The following JAGN1 variants were observed in gnomAD, a reference collection of about 807,000 sequenced individuals.
The protein encoded by JAGN1 is jagunal vesicle mediated transporter 1.
Under a neutral mutation model 17.1 loss-of-function variants are expected in JAGN1, and 13 were observed. That is an observed-to-expected ratio of 0.76 (90% CI 0.49 to 1.21). The LOEUF (loss-of-function observed/expected upper bound fraction) is 1.21. Among genes scored for constraint, JAGN1 ranks in the 50% most tolerant of loss-of-function variants. JAGN1 has a pLI of 0.00. For synonymous variants in JAGN1, 111 were observed against 91.0 expected (o/e 1.22, Z -1.25); for missense variants, 256 against 234.2 (o/e 1.09, Z -0.61).
rs1269759599 is a variant in JAGN1 at position 9,893,926 on chromosome 3, G to T, written c.*549G>T. 3.2e-5 allele frequency: 5 copies of T among 155,950 alleles called. No homozygotes were observed. The highest frequency in any genetic ancestry group is 1.2e-4 in the African/African-American group (5 of 41,458). 9.7% of individuals were successfully genotyped at this position (155,950 alleles called of 1,614,324 possible). A position where few individuals can be genotyped will look rare whatever the true frequency, so the allele number is the denominator to read the frequency against. Reference sequence around the variant, plus strand: ...AAAGGTGTGGCCTTAGACACTAGGAGATGATGGGTAGAAGCTCCTTGAGAA... The same window carrying T: ...AAAGGTGTGGCCTTAGACACTAGGATATGATGGGTAGAAGCTCCTTGAGAA... On this transcript the variant is annotated 3_prime_UTR_variant, in exon 2 of 2. Coordinates refer to ENST00000647897, the MANE Select transcript of JAGN1 (RefSeq NM_032492.4).
chr3:9,894,250 G>T lies in JAGN1; in HGVS notation c.*873G>T, dbSNP rs898487549. On this transcript the variant is annotated 3_prime_UTR_variant, in exon 2 of 2. Transcript: ENST00000647897. ...AATTCAGTAGAAACTTGTTATTCAT[G>T]TGAAACAGTGAACATAATATCTAAT... 2 of 152,182 alleles carry T rather than the reference G, an allele frequency of 1.3e-5. No homozygotes were observed. Among genetic ancestry groups the T allele is most frequent in the African/African-American group, 4.8e-5 (2 of 41,436 alleles). The allele number at this position is 152,182 out of a possible 1,614,324, so 9.4% of individuals were successfully genotyped here. A position where few individuals can be genotyped will look rare whatever the true frequency, so the allele number is the denominator to read the frequency against.
chr3:9,890,960 C>G, intron 1 of JAGN1, 149 bp downstream of exon 1: 1 of 690,868 alleles, frequency 1.4e-6, no homozygotes, highest in Non-Finnish European at 2.4e-6. Flanking sequence ...CGGCTTCGGG[C>G]CTGTCCCCCA....
rs1427232427 is a variant in JAGN1 at position 9,894,021 on chromosome 3, A to G, written c.*644A>G. ...AAGTCATAGTTGTAACCTACAGCTGATTGGTAAGAACTATGGGCCAGACAT... is the reference window on the plus strand; with the variant it reads ...AAGTCATAGTTGTAACCTACAGCTGGTTGGTAAGAACTATGGGCCAGACAT... On this transcript the variant is annotated 3_prime_UTR_variant, in exon 2 of 2. Transcript: ENST00000647897. 2 of 152,586 alleles carry G rather than the reference A, an allele frequency of 1.3e-5. No individual in the cohort carries two copies. Among genetic ancestry groups the G allele is most frequent in the Non-Finnish European group, 2.9e-5 (2 of 68,358 alleles). The allele number at this position is 152,586 out of a possible 1,614,324, so 9.5% of individuals were successfully genotyped here.
chr3:9,892,338 G>GTT (rs1244199200), intron 1 of JAGN1, among the ~76,000 whole-genome samples: 159 of 105,184 alleles, frequency 1.5e-3, no homozygotes, highest in African/African-American at 5.0e-3. Flanking sequence ...TAGTAGTATT[G>GTT]TTGTTGTTTT....
chr3:9,892,653 C>T (rs2082570751), intron 1 of JAGN1, among the ~76,000 whole-genome samples: 1 of 152,212 alleles, frequency 6.6e-6, no homozygotes, highest in Non-Finnish European at 1.5e-5. Flanking sequence ...CAGATATCAC[C>T]TGCCTCTAGA....
chr3:9,891,446 G>T (rs1243274234), intron 1 of JAGN1, among the ~76,000 whole-genome samples: 2 of 151,842 alleles, frequency 1.3e-5, no homozygotes, highest in East Asian at 3.9e-4. Context: ...AAAAGCAGAC[G>T]TGGTCTTTGT....
rs969227120 is a variant in JAGN1 at position 9,894,038 on chromosome 3, G to A, written c.*661G>A. 1.3e-5 allele frequency: 2 copies of A among 152,380 alleles called. No individual in the cohort carries two copies. The highest frequency in any genetic ancestry group is 1.3e-4 in the Admixed American group (2 of 15,280). 9.4% of individuals were successfully genotyped at this position (152,380 alleles called of 1,614,324 possible). A position where few individuals can be genotyped will look rare whatever the true frequency, so the allele number is the denominator to read the frequency against. On this transcript the variant is annotated 3_prime_UTR_variant, in exon 2 of 2. Coordinates refer to ENST00000647897, the MANE Select transcript of JAGN1 (RefSeq NM_032492.4). ...TACAGCTGATTGGTAAGAACTATGG[G>A]CCAGACATTTAATCTCTCCATCTAT...
chr3:9,893,403 A>G lies in JAGN1; in HGVS notation c.*26A>G. 9 of 1,537,496 alleles carry G rather than the reference A, an allele frequency of 5.9e-6. No homozygotes were observed. Among genetic ancestry groups the G allele is most frequent in the Non-Finnish European group, 7.1e-6 (8 of 1,134,410 alleles). On this transcript the variant is annotated 3_prime_UTR_variant, in exon 2 of 2. Coordinates refer to ENST00000647897, the MANE Select transcript of JAGN1 (RefSeq NM_032492.4). ...AGCCTCTTTGGGGTGAAGCCTGGAC[A>G]TCCCATCGAATGAAAGGACACTAGT...
In JAGN1 at chr3:9,893,230, C is replaced by G. The variant is rs1443012376; in HGVS notation, c.405C>G (p.Ala135=). ...AAQQLYRHGK[A]YRFLFGFSAV... ...AGCAGCTCTACCGCCATGGCAAGGC[C>G]TACCGTTTCCTCTTTGGTTTTTCTG... The change falls in exon 2 of 2, where the codon GCC becomes GCG. Residue 135 remains alanine, a synonymous_variant. Coordinates refer to ENST00000647897, the MANE Select transcript of JAGN1 (RefSeq NM_032492.4). 6.2e-7 allele frequency: 1 copy of G among 1,614,196 alleles called. No individual in the cohort carries two copies. The highest frequency in any genetic ancestry group is 8.5e-7 in the Non-Finnish European group (1 of 1,180,046).
rs968757347 is a variant in JAGN1 at position 9,894,267 on chromosome 3, A to G, written c.*890A>G. 3.9e-5 allele frequency: 6 copies of G among 152,252 alleles called. No individual in the cohort carries two copies. The highest frequency in any genetic ancestry group is 8.8e-5 in the Non-Finnish European group (6 of 68,052). The allele number at this position is 152,252 out of a possible 1,614,324, so 9.4% of individuals were successfully genotyped here. ...TTATTCATGTGAAACAGTGAACATA[A>G]TATCTAATGATGTGGAGCAAGTACA... On this transcript the variant is annotated 3_prime_UTR_variant, in exon 2 of 2. Coordinates refer to ENST00000647897, the MANE Select transcript of JAGN1 (RefSeq NM_032492.4).
chr3:9,891,534 T>C (rs1313547256), intron 1 of JAGN1, among the ~76,000 whole-genome samples: 3 of 151,832 alleles, frequency 2.0e-5, no homozygotes, highest in African/African-American at 7.2e-5. Context: ...GCTTGAAGTC[T>C]AGAGATGACT....
In JAGN1 at chr3:9,890,618, G is replaced by T; in HGVS notation, c.-105G>T. 1 of 1,069,814 alleles carries T rather than the reference G, an allele frequency of 9.3e-7. No homozygotes were observed. The highest frequency in any genetic ancestry group is 1.5e-5 in the South Asian group (1 of 65,022). The allele number at this position is 1,069,814 out of a possible 1,614,324, so 66.3% of individuals were successfully genotyped here. On this transcript the variant is annotated 5_prime_UTR_variant, in exon 1 of 2. Transcript: ENST00000647897. ...CAGAGGGGCCGGAAGTTCTCTTCAC[G>T]GAGCCGCGCGGCTGCGGGGGCGCAA...
chr3:9,892,502 A>G (rs1055831114), intron 1 of JAGN1, among the ~76,000 whole-genome samples: 2 of 151,762 alleles, frequency 1.3e-5, no homozygotes, highest in Non-Finnish European at 2.9e-5. Flanking sequence ...TTTGTGATTC[A>G]TATCCCACTA....
At chr3:9,892,760 C>A (rs1214216713) in intron 1 of JAGN1, 155 bp from the exon 2 acceptor site, 15 of 603,768 alleles carry the variant, frequency 2.5e-5, no homozygotes, top group Non-Finnish European at 4.4e-5. Flanking sequence ...TTTTTCACTT[C>A]ATTTTCTAAT....
intron 1 of JAGN1, among the ~76,000 whole-genome samples, chr3:9,892,347 T>G (rs560965797): frequency 8.5e-4 from 128 of 151,460 alleles, no homozygotes; most frequent in African/African-American, 2.2e-3. Flanking sequence ...TGTTGTTGTT[T>G]TTTTTTTTTA....
chr3:9,892,440 G>C (rs913189765), intron 1 of JAGN1, among the ~76,000 whole-genome samples: 3 of 117,798 alleles, frequency 2.5e-5, no homozygotes, highest in African/African-American at 9.6e-5. Context: ...CTACCAAAGT[G>C]CTTGGATTAG....
chr3:9,893,086 G>T lies in JAGN1; in HGVS notation c.261G>T (p.Leu87Phe). The part of the protein sequence containing the change: ...PYLLSILPSL[L>F]GLLSFPRNNI... ...TGCTGAGCATTTTGCCCTCTCTCTT[G>T]GGCCTTCTCTCCTTTCCCCGCAACA... The change falls in exon 2 of 2, where the codon TTG (leucine) becomes TTT (phenylalanine). Residue 87 changes from leucine (L) to phenylalanine (F), a missense_variant. By Grantham distance (22) the Leu-to-Phe change is conservative. Coordinates refer to ENST00000647897, the MANE Select transcript of JAGN1 (RefSeq NM_032492.4). 6.2e-7 allele frequency: 1 copy of T among 1,614,142 alleles called. No homozygotes were observed. The highest frequency in any genetic ancestry group is 8.5e-7 in the Non-Finnish European group (1 of 1,180,032).
rs1444280254 is a variant in JAGN1, at chr3:9,893,104, C to T, written c.279C>T (p.Pro93=). ...CTCTCTTGGGCCTTCTCTCCTTTCC[C>T]CGCAACAACATTAGCTACCTGGTGC... ...LPSLLGLLSF[P]RNNISYLVLS... Residue 93 remains proline, a synonymous_variant, in exon 2 of 2, where the codon CCC becomes CCT. Coordinates refer to ENST00000647897, the MANE Select transcript of JAGN1 (RefSeq NM_032492.4). The T allele has an allele frequency of 1.2e-6, 2 of 1,614,226 alleles. No homozygotes were observed. The highest frequency in any genetic ancestry group is 3.3e-5 in the Admixed American group (2 of 60,026).
rs971998779 is a variant in JAGN1, at chr3:9,890,748, C to T, written c.26C>T (p.Ala9Val). Residue 9 changes from alanine to valine, a missense_variant, in exon 1 of 2, where the codon GCG (alanine) becomes GTG (valine). Transcript: ENST00000647897. ...ATGGCGTCTCGAGCAGGCCCGCGAG[C>T]GGCCGGCACCGACGGCAGCGACTTT... Reference protein sequence around the residue: MASRAGPRAAGTDGSDFQH... With the variant: MASRAGPRVAGTDGSDFQH... 4 of 1,609,398 alleles carry T rather than the reference C, an allele frequency of 2.5e-6. No individual in the cohort carries two copies. Among genetic ancestry groups the T allele is most frequent in the Non-Finnish European group, 3.4e-6 (4 of 1,178,660 alleles).
Sources: allele counts gnomAD v4.1 joint callset (sites outside exome capture counted in the v4.1 genomes callset), GRCh38; gene constraint gnomAD v4.1.1; transcripts MANE v1.5; gene names NCBI Gene and HGNC (gene_info 2026-07-23, HGNC 2026-07-21).